The following MAPK14 variants were observed in gnomAD, a reference collection of about 807,000 sequenced individuals.
MAPK14 encodes CSAID-binding protein.
Under a neutral mutation model 49.6 loss-of-function variants are expected in MAPK14, and 16 were observed. The ratio of observed to expected loss-of-function variants is 0.32; its 90% CI spans 0.22 to 0.49. The LOEUF (loss-of-function observed/expected upper bound fraction) is 0.49. Among genes scored for constraint, MAPK14 ranks in the 20% least tolerant of loss-of-function variants. The pLI is 0.99. For synonymous variants in MAPK14, 142 were observed against 158.0 expected (o/e 0.90, Z 0.76); for missense variants, 200 against 441.2 (o/e 0.45, Z 4.90).
intron 8 of MAPK14, among the ~76,000 whole-genome samples, chr6:36,090,601 C>G (rs990970180): frequency 2.0e-5 from 3 of 151,660 alleles, no homozygotes; most frequent in African/African-American, 7.3e-5. Flanking sequence ...TCTCTGCTCA[C>G]TGCAACCTCC....
At chr6:36,116,502 G>GT in the MAPK14 span, among the ~76,000 whole-genome samples, 1 of 152,092 alleles carries the variant, frequency 6.6e-6, no homozygotes, top group Admixed American at 6.6e-5. Context: ...ATCATAAATA[G>GT]TTTTTTCCAC....
chr6:36,032,354 G>C (rs1762577327), intron 1 of MAPK14, among the ~76,000 whole-genome samples: 1 of 152,284 alleles, frequency 6.6e-6, no homozygotes, highest in South Asian at 2.1e-4. Flanking sequence ...ACTAGACTAG[G>C]TCTTGCAGTT....
At chr6:36,120,191 G>T in the MAPK14 span, among the ~76,000 whole-genome samples, 1 of 152,200 alleles carries the variant, frequency 6.6e-6, no homozygotes, top group African/African-American at 2.4e-5. Context: ...TGTGGTGAGG[G>T]TTAAATACGT....
At chr6:36,118,681 G>A in the MAPK14 span, among the ~76,000 whole-genome samples, 1 of 152,224 alleles carries the variant, frequency 6.6e-6, no homozygotes, top group Non-Finnish European at 1.5e-5. Flanking sequence ...GCTCAAGTAT[G>A]ACAGAGCTGA....
Position 36,103,322 on chromosome 6 carries a change from A to ATTATTTAT in MAPK14, c.841+696_841+703dup, listed in dbSNP as rs10696038. 9.8e-3 allele frequency among the ~76,000 whole-genome samples: 1,442 copies of ATTATTTAT among 147,380 alleles called. 15 individuals carry two copies. The highest frequency in any genetic ancestry group is 0.029 in the South Asian group (132 of 4,600). On this transcript the variant is annotated intron_variant, in intron 10 of 11. Coordinates refer to ENST00000229794, the MANE Select transcript of MAPK14 (RefSeq NM_139012.3). Reference sequence around the variant, plus strand: ...CTAAAAAAGGAGTTGCTTTATTATTATTATTTATTTATTTATTTATTTATT... The same window carrying ATTATTTAT: ...CTAAAAAAGGAGTTGCTTTATTATTATTATTTATTTATTTATTTATTTATTTATTTATT...
chr6:36,045,715 A>G (rs1296999122), intron 1 of MAPK14, among the ~76,000 whole-genome samples: 1 of 148,992 alleles, frequency 6.7e-6, no homozygotes, highest in Non-Finnish European at 1.5e-5. Flanking sequence ...AGGCTGAGGC[A>G]GGAGAATGGC....
intron 8 of MAPK14, among the ~76,000 whole-genome samples, chr6:36,093,269 C>A (rs1158922622): frequency 1.3e-5 from 2 of 152,078 alleles, no homozygotes; most frequent in Admixed American, 6.6e-5. Flanking sequence ...TTGTTTCATG[C>A]CAGCAGAGGT....
At chr6:36,078,248 C>T (rs1040764139) in intron 8 of MAPK14, among the ~76,000 whole-genome samples, 5 of 152,124 alleles carry the variant, frequency 3.3e-5, no homozygotes, top group Admixed American at 2.0e-4. Context: ...ACAAGGTTGT[C>T]GTAAGAATTC....
chr6:36,046,426 T>G lies in MAPK14; in HGVS notation c.117-6273T>G, dbSNP rs574561133. Among the ~76,000 whole-genome samples the G allele has an allele frequency of 8.3e-4, 127 of 152,326 alleles. 1 individual carries two copies. The South Asian group carries it at 0.026, about 31-fold the overall frequency. On this transcript the variant is annotated intron_variant, in intron 1 of 11. Transcript: ENST00000229794. ...GTAGCTCTACTTTTACAGATGTGAT[T>G]GAGAGGCGTATTTGAGCTTTGCCAT...
chr6:36,096,096 T>C, intron 9 of MAPK14, 30 bp downstream of exon 9: 1 of 1,510,530 alleles, frequency 6.6e-7, no homozygotes, highest in East Asian at 2.3e-5. Flanking sequence ...TTATCTGCCC[T>C]GTTGGGAGCC....
chr6:36,117,777 C>G, the MAPK14 span, among the ~76,000 whole-genome samples: 1 of 152,178 alleles, frequency 6.6e-6, no homozygotes, highest in Admixed American at 6.5e-5. Context: ...TGCATGTCAT[C>G]GAAGACAGAT....
At chr6:36,090,889 C>T in intron 8 of MAPK14, among the ~76,000 whole-genome samples, 1 of 152,154 alleles carries the variant, frequency 6.6e-6, no homozygotes, top group East Asian at 1.9e-4. Flanking sequence ...AGGTAGAATC[C>T]TCAGATTTGT....
chr6:36,060,976 T>C (rs1763798315), intron 3 of MAPK14, among the ~76,000 whole-genome samples: 1 of 152,188 alleles, frequency 6.6e-6, no homozygotes, highest in South Asian at 2.1e-4. Context: ...CAGCCCTGCT[T>C]GATACAACAA....
chr6:36,039,682 T>TA (rs1194120359), intron 1 of MAPK14, among the ~76,000 whole-genome samples: 3 of 152,006 alleles, frequency 2.0e-5, no homozygotes, highest in African/African-American at 7.2e-5. Flanking sequence ...ACAGAGATTT[T>TA]AAAAAAAAGA....
rs959385576 is a variant in MAPK14 at position 36,110,467 on chromosome 6, A to T, written c.*2020A>T. 1 of 152,650 alleles carries T rather than the reference A, an allele frequency of 6.6e-6. No individual in the cohort carries two copies. The highest frequency in any genetic ancestry group is 2.4e-5 in the African/African-American group (1 of 41,448). The allele number at this position is 152,650 out of a possible 1,614,324, so 9.5% of individuals were successfully genotyped here. ...GTTGTAAATGCTCGTGTGATTTCCT[A>T]CAGAAATACTGCTCTGAATATTTTG... On this transcript the variant is annotated 3_prime_UTR_variant, in exon 12 of 12. Transcript: ENST00000229794.
chr6:36,045,603 T>TCGAGACCATCCTGGCTAACA (rs1763142099), intron 1 of MAPK14, among the ~76,000 whole-genome samples: 1 of 151,628 alleles, frequency 6.6e-6, no homozygotes, highest in South Asian at 2.1e-4. Flanking sequence ...GATCAGGAGA[T>TCGAGACCATCCTGGCTAACA]CGAGACCATC....
chr6:36,079,286 C>T (rs1468041270), intron 8 of MAPK14, among the ~76,000 whole-genome samples: 6 of 152,128 alleles, frequency 3.9e-5, no homozygotes, highest in Admixed American at 2.6e-4. Flanking sequence ...TTCTAATTTG[C>T]AGAACTCCTC....
intron 7 of MAPK14, 113 bp downstream of exon 7, chr6:36,076,075 T>A: frequency 8.9e-7 from 1 of 1,122,564 alleles, no homozygotes; most frequent in Non-Finnish European, 1.3e-6. Flanking sequence ...CTTCCCTCAG[T>A]GATCCTTTTA....
intron 8 of MAPK14, among the ~76,000 whole-genome samples, chr6:36,087,689 TATC>T (rs1312581764): frequency 2.6e-5 from 4 of 152,126 alleles, no homozygotes; most frequent in East Asian, 3.8e-4. Flanking sequence ...GAAGAATCAA[TATC>T]ATGAAAATGG....
Sources: allele counts gnomAD v4.1 joint callset (sites outside exome capture counted in the v4.1 genomes callset), GRCh38; gene constraint gnomAD v4.1.1; transcripts MANE v1.5; gene names NCBI Gene and HGNC (gene_info 2026-07-23, HGNC 2026-07-21).